The following HFM1 variants were observed in gnomAD, a reference collection of about 807,000 sequenced individuals.
HFM1 encodes the protein helicase for meiosis 1.
HFM1 carries 169 observed loss-of-function variants against 192.1 expected under a neutral mutation model. That is an observed-to-expected ratio of 0.88 (90% CI 0.78 to 1.00). The LOEUF is 1.00. Among genes scored for constraint, HFM1 ranks in the 50% least tolerant of loss-of-function variants. The pLI, the probability that HFM1 is intolerant of heterozygous loss-of-function variation, is 0.00. For missense variants in HFM1, 1,661 were observed against 1,668.0 expected, an observed-to-expected ratio of 1.00 and a Z score of 0.07; for synonymous variants, 525 against 537.8, an observed-to-expected ratio of 0.98 and a Z score of 0.33.
intron 10 of HFM1, 72 bp from the exon 11 acceptor site, chr1:91,378,255 T>A: frequency 7.8e-7 from 1 of 1,280,976 alleles, no homozygotes; most frequent in Non-Finnish European, 1.1e-6. Context: ...AAATATTCAA[T>A]AATATTAACA....
intron 13 of HFM1, among the ~76,000 whole-genome samples, chr1:91,363,008 C>A (rs1262428380): frequency 6.6e-6 from 1 of 152,122 alleles, no homozygotes; most frequent in Non-Finnish European, 1.5e-5. Flanking sequence ...CTTCCTTACA[C>A]CCTACACAAG....
chr1:91,328,692 G>A, intron 20 of HFM1: 1 of 1,600,398 alleles, frequency 6.2e-7, no homozygotes, highest in East Asian at 2.2e-5. Context: ...GTGAACTGCG[G>A]GGCTGAGGCA....
At chr1:91,368,764 T>C (rs1479545171) in intron 13 of HFM1, among the ~76,000 whole-genome samples, 1 of 152,118 alleles carries the variant, frequency 6.6e-6, no homozygotes, top group African/African-American at 2.4e-5. Context: ...ACCTTAACTG[T>C]AAATGGGCTA....
chr1:91,313,304 A>G (rs1172342014), intron 30 of HFM1, 45 bp downstream of exon 30: 1 of 1,180,816 alleles, frequency 8.5e-7, no homozygotes, highest in Non-Finnish European at 1.2e-6. Context: ...CTTCCTAGCC[A>G]TATCTTTGCT....
chr1:91,314,285 AC>A (rs1270376248), intron 28 of HFM1, among the ~76,000 whole-genome samples: 1 of 152,110 alleles, frequency 6.6e-6, no homozygotes, highest in African/African-American at 2.4e-5. Context: ...ACAGAATCTT[AC>A]TCTGTTGCCT....
chr1:91,340,198 C>A (rs1403303524), intron 20 of HFM1, among the ~76,000 whole-genome samples: 3 of 152,002 alleles, frequency 2.0e-5, no homozygotes, highest in Non-Finnish European at 4.4e-5. Context: ...TTTGTAGAGA[C>A]AAGGTGTCAC....
chr1:91,289,289 A>G (rs1227683569), intron 30 of HFM1, among the ~76,000 whole-genome samples: 2 of 149,454 alleles, frequency 1.3e-5, no homozygotes, highest in East Asian at 4.1e-4. Flanking sequence ...GGCGCTCCCC[A>G]CATCCCAGAC....
At chr1:91,378,939 G>T in intron 9 of HFM1, 124 bp downstream of exon 9, 1 of 565,100 alleles carries the variant, frequency 1.8e-6, no homozygotes. Flanking sequence ...TTTTTTTAAT[G>T]TTTGTTTGTT....
chr1:91,297,149 G>A (rs796749407), intron 30 of HFM1, among the ~76,000 whole-genome samples: 7 of 152,248 alleles, frequency 4.6e-5, no homozygotes, highest in South Asian at 2.1e-4. Context: ...ATTATATCAC[G>A]CGCCTGGCTC....
chr1:91,368,905 TC>T (rs1167998245), intron 13 of HFM1, among the ~76,000 whole-genome samples: 8 of 152,020 alleles, frequency 5.3e-5, no homozygotes, highest in Non-Finnish European at 8.8e-5. Context: ...TGGAGGAAGA[TC>T]TACCAAGCAA....
intron 20 of HFM1, among the ~76,000 whole-genome samples, chr1:91,336,782 G>A (rs551881560): frequency 4.6e-5 from 7 of 152,220 alleles, no homozygotes; most frequent in African/African-American, 1.4e-4. Flanking sequence ...ACATGCACAC[G>A]TATGTTCACT....
chr1:91,375,055 G>A (rs539213083), intron 13 of HFM1, among the ~76,000 whole-genome samples: 1 of 152,128 alleles, frequency 6.6e-6, no homozygotes, highest in African/African-American at 2.4e-5. Flanking sequence ...AAATATGATA[G>A]AGAGTCCTTA....
intron 35 of HFM1, 31 bp from the exon 36 acceptor site, chr1:91,266,138 A>G: frequency 6.3e-7 from 1 of 1,575,948 alleles, no homozygotes; most frequent in Admixed American, 1.9e-5. Flanking sequence ...TTGAAACAAA[A>G]TGCCAAGAAA....
At chr1:91,375,204 A>C (rs753265146) in intron 13 of HFM1, among the ~76,000 whole-genome samples, 154 bp downstream of exon 13, 1 of 152,124 alleles carries the variant, frequency 6.6e-6, no homozygotes, top group Non-Finnish European at 1.5e-5. Flanking sequence ...AAGATTCACT[A>C]TCTCACTTAA....
chr1:91,374,555 T>C (rs141939017), intron 13 of HFM1, among the ~76,000 whole-genome samples: 1 of 152,118 alleles, frequency 6.6e-6, no homozygotes, highest in Non-Finnish European at 1.5e-5. Flanking sequence ...GACTTCGTAA[T>C]TGATTGTGGG....
intron 30 of HFM1, among the ~76,000 whole-genome samples, chr1:91,297,052 G>A (rs1450879064): frequency 6.6e-6 from 1 of 152,314 alleles, no homozygotes; most frequent in South Asian, 2.1e-4. Context: ...TCAAAGAAAG[G>A]GGTGACAGAC....
chr1:91,354,786 T>A (rs762772657), intron 13 of HFM1, among the ~76,000 whole-genome samples: 3 of 152,038 alleles, frequency 2.0e-5, no homozygotes, highest in African/African-American at 7.2e-5. Flanking sequence ...CTCAGCCAGA[T>A]AAATAAAAGC....
intron 20 of HFM1, among the ~76,000 whole-genome samples, chr1:91,334,226 G>T (rs1221007339): frequency 6.6e-6 from 1 of 152,102 alleles, no homozygotes; most frequent in African/African-American, 2.4e-5. Context: ...CTCTTATTGG[G>T]TATGCAAGTG....
At chr1:91,303,679 T>C (rs917604726) in intron 30 of HFM1, among the ~76,000 whole-genome samples, 10 of 152,322 alleles carry the variant, frequency 6.6e-5, no homozygotes, top group Admixed American at 6.5e-4. Context: ...CATGTTATTG[T>C]CCATCATTTT....
Sources: gnomAD v4.1 joint callset for allele counts (sites outside exome capture counted in the v4.1 genomes callset) on GRCh38, gnomAD v4.1.1 for gene constraint, MANE v1.5 for transcripts, NCBI Gene and HGNC (gene_info 2026-07-23, HGNC 2026-07-21) for gene names.